LRP1B: variants seen among roughly 807,000 people sequenced by gnomAD.
LRP1B encodes low-density lipoprotein receptor-related protein 1B.
In LRP1B, 217 loss-of-function variants were observed where a neutral mutation model predicts 556.6. The observed-to-expected ratio is 0.39, with a 90% CI of 0.35 to 0.44. The LOEUF (loss-of-function observed/expected upper bound fraction) is 0.44. Among genes scored for constraint, LRP1B ranks in the 20% least tolerant of loss-of-function variants. The pLI is 1.00. For missense variants in LRP1B, 5,053 were observed against 5,620.8 expected, an observed-to-expected ratio of 0.90 and a Z score of 3.23; for synonymous variants, 2,047 against 1,865.8, an observed-to-expected ratio of 1.10 and a Z score of -2.50.
At chr2:141,304,271 T>C (rs900229433) in intron 3 of LRP1B, among the ~76,000 whole-genome samples, 2 of 152,106 alleles carry the variant, frequency 1.3e-5, no homozygotes, top group African/African-American at 4.8e-5. Flanking sequence ...TCATTTAATA[T>C]GTCCTGTGTA....
At chr2:142,110,982 T>C (rs2104988536) in intron 1 of LRP1B, among the ~76,000 whole-genome samples, 1 of 152,256 alleles carries the variant, frequency 6.6e-6, no homozygotes, top group East Asian at 1.9e-4. Context: ...GTTTGATAAA[T>C]AGAATGCAAT....
At chr2:140,739,193 A>G (rs1234431870) in intron 35 of LRP1B, among the ~76,000 whole-genome samples, 1 of 152,202 alleles carries the variant, frequency 6.6e-6, no homozygotes, top group Non-Finnish European at 1.5e-5. Flanking sequence ...TTTGAGAAAG[A>G]GATAGAGACA....
intron 3 of LRP1B, among the ~76,000 whole-genome samples, chr2:141,277,042 A>G (rs559334397): frequency 1.3e-5 from 2 of 152,292 alleles, no homozygotes; most frequent in South Asian, 2.1e-4. Flanking sequence ...TCTACTGTTC[A>G]TGGGCATCTA....
At chr2:141,293,107 C>T (rs896562453) in intron 3 of LRP1B, among the ~76,000 whole-genome samples, 2 of 151,948 alleles carry the variant, frequency 1.3e-5, no homozygotes, top group Admixed American at 6.6e-5. Context: ...TCTCTAATTT[C>T]GAATGTAGAA....
In LRP1B at chr2:141,909,892, T is replaced by A. The variant is rs184863162; in HGVS notation, c.83-99491A>T. 2.1e-3 allele frequency among the ~76,000 whole-genome samples: 318 copies of A among 152,160 alleles called. 3 individuals are homozygous for A. The highest frequency in any genetic ancestry group is 0.01 in the Middle Eastern group (3 of 294). On this transcript the variant is annotated intron_variant, in intron 1 of 90. Coordinates refer to ENST00000389484, the MANE Select transcript of LRP1B (RefSeq NM_018557.3). ...ATTCTTATAATAAATGGATGACTGA[T>A]TTGATTGCTAGTGCAGACTTGCCAT...
At chr2:141,565,708 G>A (rs1343388384) in intron 2 of LRP1B, among the ~76,000 whole-genome samples, 1 of 152,204 alleles carries the variant, frequency 6.6e-6, no homozygotes, top group Non-Finnish European at 1.5e-5. Flanking sequence ...AAATATATCA[G>A]TTCAAGGATA....
At chr2:141,253,515 T>C (rs1684343842) in intron 4 of LRP1B, among the ~76,000 whole-genome samples, 1 of 152,114 alleles carries the variant, frequency 6.6e-6, no homozygotes, top group Non-Finnish European at 1.5e-5. Context: ...TAAGACTAAG[T>C]GGGCTCTGCA....
At chr2:140,503,413 G>A (rs189165344) in intron 53 of LRP1B, among the ~76,000 whole-genome samples, 3 of 152,146 alleles carry the variant, frequency 2.0e-5, no homozygotes, top group African/African-American at 7.2e-5. Context: ...CTCTTAGAAT[G>A]GAAAATGAAA....
intron 2 of LRP1B, among the ~76,000 whole-genome samples, chr2:141,788,341 A>G (rs1695492867): frequency 6.6e-6 from 1 of 152,010 alleles, no homozygotes; most frequent in African/African-American, 2.4e-5. Context: ...TTTCTGCTAG[A>G]GTCCCATAAA....
intron 3 of LRP1B, among the ~76,000 whole-genome samples, chr2:141,367,629 C>T (rs1371484177): frequency 6.6e-6 from 1 of 151,286 alleles, no homozygotes; most frequent in African/African-American, 2.4e-5. Context: ...ACTACAGGTG[C>T]CCGCCACCAT....
chr2:140,408,311 A>G (rs1400707340), intron 66 of LRP1B, among the ~76,000 whole-genome samples: 2 of 151,892 alleles, frequency 1.3e-5, no homozygotes, highest in Non-Finnish European at 1.5e-5. Flanking sequence ...AACCACTACT[A>G]TCCAAAAAGC....
chr2:140,529,041 G>T (rs2380883), intron 47 of LRP1B, among the ~76,000 whole-genome samples: 80,755 of 151,660 alleles, frequency 0.53, 21,888 homozygotes, highest in Middle Eastern at 0.7. Context: ...TGAAATAATA[G>T]GGTCCAAATA....
At chr2:141,940,247 A>C (rs751323124) in intron 1 of LRP1B, among the ~76,000 whole-genome samples, 8 of 152,284 alleles carry the variant, frequency 5.3e-5, no homozygotes, top group African/African-American at 1.9e-4. Flanking sequence ...AATATTTAGA[A>C]TTCAACAGCT....
intron 68 of LRP1B, 36 bp downstream of exon 68, chr2:140,378,144 G>C: frequency 7.2e-7 from 1 of 1,382,256 alleles, no homozygotes; most frequent in Non-Finnish European, 1.0e-6. Context: ...TGGTTCTAAA[G>C]CGCTGCTTTC....
At chr2:141,437,181 G>A (rs1680793217) in intron 3 of LRP1B, among the ~76,000 whole-genome samples, 1 of 152,058 alleles carries the variant, frequency 6.6e-6, no homozygotes, top group Non-Finnish European at 1.5e-5. Context: ...TATGACAATA[G>A]AAGAAAATTA....
chr2:141,626,803 T>C (rs919872279), intron 2 of LRP1B, among the ~76,000 whole-genome samples: 15 of 152,180 alleles, frequency 9.9e-5, no homozygotes, highest in African/African-American at 3.6e-4. Context: ...CAACATTAAA[T>C]GCAGACAGGA....
At chr2:141,975,808 T>A (rs1177104216) in intron 1 of LRP1B, among the ~76,000 whole-genome samples, 1 of 152,150 alleles carries the variant, frequency 6.6e-6, no homozygotes, top group Non-Finnish European at 1.5e-5. Context: ...AGCATTCAAC[T>A]GCTAAGTCCT....
At chr2:142,033,019 T>A (rs960976585) in intron 1 of LRP1B, among the ~76,000 whole-genome samples, 45 of 151,828 alleles carry the variant, frequency 3.0e-4, no homozygotes, top group Non-Finnish European at 4.4e-5. Flanking sequence ...GCCACTTTAG[T>A]TTTTTTCTAC....
At chr2:141,509,804 T>C (rs1404965130) in intron 2 of LRP1B, among the ~76,000 whole-genome samples, 1 of 152,190 alleles carries the variant, frequency 6.6e-6, no homozygotes, top group African/African-American at 2.4e-5. Flanking sequence ...TTCATTCTTA[T>C]AGGAAAATTA....
Sources: gnomAD v4.1 joint callset for allele counts (sites outside exome capture counted in the v4.1 genomes callset) on GRCh38, gnomAD v4.1.1 for gene constraint, MANE v1.5 for transcripts, NCBI Gene and HGNC (gene_info 2026-07-23, HGNC 2026-07-21) for gene names.